Variants in SPECC1 observed in about 807,000 individuals in gnomAD.
The protein encoded by SPECC1 is sperm antigen with calponin homology and coiled-coil domains 1, also known as cytospin-B.
Under a neutral mutation model 104.1 loss-of-function variants are expected in SPECC1, and 62 were observed. That is an observed-to-expected ratio of 0.60 (90% confidence interval 0.49 to 0.74). The LOEUF is 0.74. SPECC1 is among the 30% of genes least tolerant of loss of function. The pLI is 0.00. For missense variants in SPECC1, 1,306 were observed against 1,310.5 expected, an observed-to-expected ratio of 1.00 and a Z score of 0.05; for synonymous variants, 513 against 501.6, an observed-to-expected ratio of 1.02 and a Z score of -0.30.
At chr17:20,169,605 G>A (rs1271269862) in intron 3 of SPECC1, among the ~76,000 whole-genome samples, 3 of 151,872 alleles carry the variant, frequency 2.0e-5, no homozygotes, top group Admixed American at 2.0e-4. Flanking sequence ...TATAAAATAA[G>A]GGTATGTGTG....
At position 20,051,046 on chromosome 17, in the gene SPECC1, G is replaced by GGTTC. The variant is rs768718441; in HGVS notation, c.-22+41623_-22+41626dup. Among the ~76,000 whole-genome samples the GGTTC allele has an allele frequency of 5.3e-3, 760 of 143,666 alleles. 8 individuals carry two copies. Among genetic ancestry groups the GGTTC allele is most frequent in the Non-Finnish European group, 7.0e-3 (457 of 65,180 alleles). 94.3% of individuals were successfully genotyped at this position (143,666 alleles called of 152,430 possible). On this transcript the variant is annotated intron_variant, in intron 1 of 14. Transcript: ENST00000395527. ...CATAGTAGGTCCCAAATAAGCACTT[G>GGTTC]GTTCTTTCTTTCTTTCTTTCTTTTT...
At chr17:20,243,369 A>G (rs2039285260) in intron 7 of SPECC1, among the ~76,000 whole-genome samples, 1 of 152,216 alleles carries the variant, frequency 6.6e-6, no homozygotes, top group Non-Finnish European at 1.5e-5. Context: ...AACAGAGGAA[A>G]TGTAAGACTT....
intron 3 of SPECC1, among the ~76,000 whole-genome samples, chr17:20,191,724 T>A (rs1194302460): frequency 6.6e-6 from 1 of 151,582 alleles, no homozygotes; most frequent in African/African-American, 2.4e-5. Context: ...GTTCAGCTCC[T>A]ACTTATGAGA....
At chr17:20,158,986 C>G (rs1202709886) in intron 3 of SPECC1, among the ~76,000 whole-genome samples, 3 of 148,748 alleles carry the variant, frequency 2.0e-5, no homozygotes, top group Non-Finnish European at 4.5e-5. Flanking sequence ...GAGATGGAGG[C>G]TTGTTCTGCC....
intron 3 of SPECC1, among the ~76,000 whole-genome samples, chr17:20,184,736 G>A (rs1390544167): frequency 6.6e-6 from 1 of 152,220 alleles, no homozygotes; most frequent in East Asian, 1.9e-4. Flanking sequence ...ATAAGAGAGG[G>A]CCGGCTTTAT....
rs10577710 is a variant in SPECC1 at position 20,136,426 on chromosome 17, TA to T, written c.283+25881del. On this transcript the variant is annotated intron_variant, in intron 3 of 14. Coordinates refer to ENST00000395527, the MANE Select transcript of SPECC1 (RefSeq NM_001243439.2). ...GGTGGCAGAGCTAGACTCCATCTATTAAAAAAAAAAAAAAAAATCTGTCTTT... is the reference window on the plus strand; with the variant it reads ...GGTGGCAGAGCTAGACTCCATCTATTAAAAAAAAAAAAAAAATCTGTCTTT... Among the ~76,000 whole-genome samples the T allele has an allele frequency of 2.4e-3, 348 of 144,164 alleles. 2 individuals are homozygous for T. Among genetic ancestry groups the T allele is most frequent in the South Asian group, 5.4e-3 (24 of 4,426 alleles). 94.6% of individuals were successfully genotyped at this position (144,164 alleles called of 152,430 possible). A position where few individuals can be genotyped will look rare whatever the true frequency, so the allele number is the denominator to read the frequency against.
intron 3 of SPECC1, among the ~76,000 whole-genome samples, chr17:20,174,561 G>T (rs998143264): frequency 1.3e-5 from 2 of 152,076 alleles, no homozygotes; most frequent in Admixed American, 6.6e-5. Flanking sequence ...GCTGGAATGG[G>T]CCTTCACCGT....
intron 3 of SPECC1, among the ~76,000 whole-genome samples, chr17:20,116,706 TA>T (rs1343133357): frequency 2.7e-5 from 4 of 147,664 alleles, no homozygotes; most frequent in Non-Finnish European, 6.0e-5. Context: ...GAAACCTGAA[TA>T]AAATAACTGG....
chr17:20,242,832 C>G (rs2039264567), intron 7 of SPECC1, among the ~76,000 whole-genome samples: 1 of 152,110 alleles, frequency 6.6e-6, no homozygotes, highest in South Asian at 2.1e-4. Context: ...TTAGATAATG[C>G]TTTTAAGACA....
intron 1 of SPECC1, among the ~76,000 whole-genome samples, chr17:20,030,439 A>G (rs1299952191): frequency 1.3e-5 from 2 of 151,942 alleles, no homozygotes; most frequent in Non-Finnish European, 2.9e-5. Context: ...TTTATTTTTA[A>G]GTTCCCTGTT....
At chr17:20,047,838 C>G (rs2045596599) in intron 1 of SPECC1, among the ~76,000 whole-genome samples, 1 of 152,004 alleles carries the variant, frequency 6.6e-6, no homozygotes, top group African/African-American at 2.4e-5. Flanking sequence ...ACCCTGTGGT[C>G]CCCCCGCCTC....
chr17:20,152,082 C>A (rs1261782649), intron 3 of SPECC1, among the ~76,000 whole-genome samples: 3 of 152,000 alleles, frequency 2.0e-5, no homozygotes, highest in Non-Finnish European at 4.4e-5. Context: ...AGGTGGATCA[C>A]TTGAGGTCAG....
intron 13 of SPECC1, among the ~76,000 whole-genome samples, chr17:20,304,650 C>A (rs2041704250): frequency 6.6e-6 from 1 of 152,032 alleles, no homozygotes. Flanking sequence ...AATGTGTCTC[C>A]CCATATTCTT....
chr17:20,297,560 T>A (rs1452353140), intron 13 of SPECC1, among the ~76,000 whole-genome samples: 1 of 152,202 alleles, frequency 6.6e-6, no homozygotes, highest in East Asian at 1.9e-4. Flanking sequence ...GGTTGGCAAA[T>A]TTTCCCTGTT....
intron 7 of SPECC1, 162 bp downstream of exon 7, chr17:20,232,567 C>G: frequency 3.9e-6 from 3 of 774,142 alleles, no homozygotes; most frequent in Admixed American, 2.8e-5. Flanking sequence ...ACATTCTGTA[C>G]AGTACCCAGT....
intron 1 of SPECC1, among the ~76,000 whole-genome samples, chr17:20,071,763 ATACT>A (rs962410000): frequency 6.6e-6 from 1 of 152,196 alleles, no homozygotes; most frequent in Non-Finnish European, 1.5e-5. Flanking sequence ...AGTTGAATAC[ATACT>A]TATTTTAGAA....
chr17:20,129,148 T>G (rs1428660284), intron 3 of SPECC1, among the ~76,000 whole-genome samples: 1 of 151,924 alleles, frequency 6.6e-6, no homozygotes, highest in Non-Finnish European at 1.5e-5. Flanking sequence ...GTGCTGAGAT[T>G]ATGGGTGTGA....
chr17:20,288,715 A>G (rs955559634), intron 12 of SPECC1, among the ~76,000 whole-genome samples: 25 of 151,164 alleles, frequency 1.7e-4, no homozygotes, highest in African/African-American at 6.1e-4. Context: ...AATTGGACTT[A>G]CAGTTTCACA....
chr17:20,182,991 G>A (rs2035011047), intron 3 of SPECC1, among the ~76,000 whole-genome samples: 1 of 152,166 alleles, frequency 6.6e-6, no homozygotes, highest in Non-Finnish European at 1.5e-5. Flanking sequence ...TTGGACATAG[G>A]TAGTACTCTG....
Sources: allele counts gnomAD v4.1 joint callset (sites outside exome capture counted in the v4.1 genomes callset), GRCh38; gene constraint gnomAD v4.1.1; transcripts MANE v1.5; gene names NCBI Gene and HGNC (gene_info 2026-07-23, HGNC 2026-07-21).